PCNX2: variants seen among roughly 807,000 people sequenced by gnomAD.
PCNX2 encodes the protein pecanex 2.
Under a neutral mutation model 223.8 loss-of-function variants are expected in PCNX2, and 168 were observed. The ratio of observed to expected loss-of-function variants is 0.75; its 90% CI spans 0.66 to 0.85. The LOEUF (loss-of-function observed/expected upper bound fraction) is 0.85. Ranked by LOEUF, PCNX2 falls within the 40% of genes least tolerant of loss-of-function variation. The probability of loss-of-function intolerance (pLI) is 0.00; values close to 1 mark genes in which losing one functional copy is unlikely to be tolerated. For missense variants in PCNX2, 2,507 were observed against 2,675.5 expected (o/e 0.94, Z 1.39); for synonymous variants, 1,006 against 1,052.6 (o/e 0.96, Z 0.86).
intron 21 of PCNX2, among the ~76,000 whole-genome samples, chr1:233,115,640 C>T (rs1216900526): frequency 6.6e-6 from 1 of 152,090 alleles, no homozygotes; most frequent in African/African-American, 2.4e-5. Context: ...AAAGGGCCAG[C>T]AAGCCTCAGA....
At chr1:233,128,957 T>C (rs926229199) in intron 21 of PCNX2, among the ~76,000 whole-genome samples, 2 of 152,096 alleles carry the variant, frequency 1.3e-5, no homozygotes, top group Non-Finnish European at 2.9e-5. Context: ...TCCTGAGAGG[T>C]GACAGTGTGC....
chr1:233,224,395 A>AGG (rs1418361364), intron 10 of PCNX2, among the ~76,000 whole-genome samples: 4 of 152,232 alleles, frequency 2.6e-5, no homozygotes, highest in African/African-American at 4.8e-5. Context: ...AAAGACTAAG[A>AGG]AAACATTTTT....
At chr1:233,085,347 A>G (rs911339780) in intron 23 of PCNX2, among the ~76,000 whole-genome samples, 2 of 146,058 alleles carry the variant, frequency 1.4e-5, no homozygotes, top group African/African-American at 5.1e-5. Flanking sequence ...AAAAAAAAAA[A>G]GTACAGAACA....
intron 19 of PCNX2, among the ~76,000 whole-genome samples, chr1:233,157,010 G>A (rs1376025860): frequency 2.6e-5 from 4 of 152,182 alleles, no homozygotes. Context: ...GGCATCCTTA[G>A]TAAAGGGAGG....
intron 2 of PCNX2, among the ~76,000 whole-genome samples, 185 bp from the exon 3 acceptor site, chr1:233,262,350 T>G (rs1660102150): frequency 6.6e-6 from 1 of 152,136 alleles, no homozygotes; most frequent in African/African-American, 2.4e-5. Flanking sequence ...TGGAATGCAG[T>G]GGCACGATCA....
intron 23 of PCNX2, among the ~76,000 whole-genome samples, chr1:233,077,591 T>C (rs868086355): frequency 6.6e-6 from 1 of 152,138 alleles, no homozygotes; most frequent in South Asian, 2.1e-4. Flanking sequence ...CCTTCCTTTC[T>C]CCCAAGTCTG....
chr1:232,987,478 C>T (rs1669534682), intron 32 of PCNX2, among the ~76,000 whole-genome samples: 1 of 152,198 alleles, frequency 6.6e-6, no homozygotes, highest in Non-Finnish European at 1.5e-5. Context: ...CAGCTAGTGA[C>T]ATCATGGTTC....
At chr1:233,215,238 C>T (rs995867848) in intron 12 of PCNX2, among the ~76,000 whole-genome samples, 8 of 152,214 alleles carry the variant, frequency 5.3e-5, no homozygotes, top group Non-Finnish European at 8.8e-5. Flanking sequence ...ATGGTTCAGT[C>T]AGATTGCAAC....
Position 233,258,004 on chromosome 1 carries a change from A to C in PCNX2, c.1834+24T>G, listed in dbSNP as rs1197652606. ...GTATTGCCTTCTATGTCATCATCAG[A>C]ACGGAAATGACATGGAATCGCACCT... On this transcript the variant is annotated intron_variant, in intron 5 of 33. Coordinates refer to ENST00000258229, the MANE Select transcript of PCNX2 (RefSeq NM_014801.4). 3 of 1,601,396 alleles carry C rather than the reference A, an allele frequency of 1.9e-6. No individual in the cohort carries two copies. In the Admixed American group the frequency reaches 5.1e-5, roughly 27 times the overall value.
intron 15 of PCNX2, among the ~76,000 whole-genome samples, chr1:233,194,119 A>C (rs977664999): frequency 1.3e-5 from 2 of 151,806 alleles, no homozygotes; most frequent in African/African-American, 4.9e-5. Flanking sequence ...AATGGCTGAA[A>C]ACAAAGACAG....
At chr1:233,282,911 C>T (rs888807493) in intron 1 of PCNX2, among the ~76,000 whole-genome samples, 3 of 151,852 alleles carry the variant, frequency 2.0e-5, no homozygotes, top group African/African-American at 7.3e-5. Context: ...AACTATATAT[C>T]AAATGATAGC....
intron 17 of PCNX2, among the ~76,000 whole-genome samples, chr1:233,165,356 A>G (rs1425089775): frequency 6.6e-6 from 1 of 152,152 alleles, no homozygotes; most frequent in Non-Finnish European, 1.5e-5. Flanking sequence ...GGTTTTTACA[A>G]TTTGAGGAAG....
the PCNX2 span, among the ~76,000 whole-genome samples, chr1:233,325,431 G>C: frequency 6.6e-6 from 1 of 151,714 alleles, no homozygotes; most frequent in Admixed American, 6.6e-5. Context: ...GGCCGAGGGG[G>C]GCGGATCACG....
intron 19 of PCNX2, among the ~76,000 whole-genome samples, chr1:233,158,481 G>C (rs1678262008): frequency 6.6e-6 from 1 of 152,146 alleles, no homozygotes; most frequent in Admixed American, 6.5e-5. Flanking sequence ...TATAGGTATA[G>C]ATAAAGGTAA....
At chr1:233,232,858 C>T in intron 9 of PCNX2, 1 of 985,302 alleles carries the variant, frequency 1.0e-6, no homozygotes, top group Non-Finnish European at 1.2e-6. Context: ...GACCGTCATG[C>T]TATCCATAAT....
chr1:233,270,496 G>A (rs940381150), intron 1 of PCNX2, among the ~76,000 whole-genome samples: 1 of 152,098 alleles, frequency 6.6e-6, no homozygotes, highest in Non-Finnish European at 1.5e-5. Flanking sequence ...TTACGGACAG[G>A]GGGTCTCCAT....
intron 17 of PCNX2, among the ~76,000 whole-genome samples, chr1:233,166,956 A>G (rs1678832013): frequency 6.6e-6 from 1 of 152,134 alleles, no homozygotes; most frequent in Non-Finnish European, 1.5e-5. Context: ...AGCCTGGGCA[A>G]CATAATGGGA....
intron 23 of PCNX2, among the ~76,000 whole-genome samples, chr1:233,073,023 T>G (rs1672925836): frequency 6.6e-6 from 1 of 152,208 alleles, no homozygotes; most frequent in Non-Finnish European, 1.5e-5. Context: ...TTTTTCTTTG[T>G]AGGGAGTTTT....
At chr1:233,046,471 T>A (rs1572043734) in intron 25 of PCNX2, among the ~76,000 whole-genome samples, 1 of 152,256 alleles carries the variant, frequency 6.6e-6, no homozygotes, top group East Asian at 1.9e-4. Context: ...ATTTAGGTTT[T>A]GTCAAGCTAT....
Sources: gnomAD v4.1 joint callset for allele counts (sites outside exome capture counted in the v4.1 genomes callset) on GRCh38, gnomAD v4.1.1 for gene constraint, MANE v1.5 for transcripts, NCBI Gene and HGNC (gene_info 2026-07-23, HGNC 2026-07-21) for gene names.